Variants in PIAS4 observed in about 807,000 individuals in gnomAD.
The protein encoded by PIAS4 is E3 SUMO-protein ligase PIAS4.
PIAS4 carries 7 observed loss-of-function variants against 58.0 expected under a neutral mutation model. The observed-to-expected ratio is 0.12, with a 90% CI of 0.07 to 0.23. The LOEUF is 0.23. Ranked by LOEUF, PIAS4 falls within the 10% of genes least tolerant of loss-of-function variation. The pLI is 1.00. For missense variants in PIAS4, 550 were observed against 709.5 expected (o/e 0.78, Z 2.55); for synonymous variants, 364 against 312.4 (o/e 1.17, Z -1.74).
chr19:4,014,811 G>A (rs992868811), intron 2 of PIAS4, among the ~76,000 whole-genome samples: 1 of 152,242 alleles, frequency 6.6e-6, no homozygotes, highest in Non-Finnish European at 1.5e-5. Context: ...GGGAGGCAGC[G>A]TTGATGGGGG....
At position 4,036,593 on chromosome 19, in the gene PIAS4, T is replaced by TAC. The variant is rs1305244998; in HGVS notation, c.1143-771_1143-770dup. 1.9e-4 allele frequency among the ~76,000 whole-genome samples: 21 copies of TAC among 112,396 alleles called. 1 individual carries two copies. The highest frequency in any genetic ancestry group is 2.8e-4 in the Non-Finnish European group (15 of 54,374). 73.7% of individuals were successfully genotyped at this position (112,396 alleles called of 152,430 possible). On this transcript the variant is annotated intron_variant, in intron 9 of 10. Transcript: ENST00000262971. ...CACATCCATACAGTCCACACCGTCA[T>TAC]ACACACACACATCTATACAGTCCAC...
intron 1 of PIAS4, among the ~76,000 whole-genome samples, chr19:4,008,687 C>T (rs924215330): frequency 2.6e-5 from 4 of 152,160 alleles, no homozygotes; most frequent in African/African-American, 9.7e-5. Context: ...CTCTAAACCT[C>T]ACCTGTGCAG....
At chr19:4,021,165 A>G (rs1009693808) in intron 2 of PIAS4, among the ~76,000 whole-genome samples, 15 of 152,116 alleles carry the variant, frequency 9.9e-5, no homozygotes, top group African/African-American at 3.1e-4. Flanking sequence ...CTCATTTTAT[A>G]TTATTGATAC....
intron 3 of PIAS4, among the ~76,000 whole-genome samples, chr19:4,027,895 C>T (rs1022686749): frequency 6.6e-6 from 1 of 152,096 alleles, no homozygotes; most frequent in Non-Finnish European, 1.5e-5. Flanking sequence ...GGGAGAGGCA[C>T]CTGGCTGCCC....
intron 2 of PIAS4, among the ~76,000 whole-genome samples, chr19:4,020,600 G>A (rs1045249529): frequency 1.3e-5 from 2 of 152,176 alleles, no homozygotes; most frequent in South Asian, 2.1e-4. Context: ...GGACGTGCAC[G>A]CTGCTCAGCG....
At chr19:4,009,786 C>T (rs2144901807) in intron 1 of PIAS4, among the ~76,000 whole-genome samples, 1 of 152,276 alleles carries the variant, frequency 6.6e-6, no homozygotes, top group South Asian at 2.1e-4. Flanking sequence ...TGGGGTGCAT[C>T]ACAGACTGCT....
intron 2 of PIAS4, among the ~76,000 whole-genome samples, chr19:4,016,607 A>G (rs1438642770): frequency 6.6e-6 from 1 of 152,198 alleles, no homozygotes; most frequent in African/African-American, 2.4e-5. Flanking sequence ...AGCAGGAGCC[A>G]TTTACTCTAC....
intron 2 of PIAS4, among the ~76,000 whole-genome samples, chr19:4,015,796 G>T (rs923717423): frequency 3.3e-5 from 5 of 152,178 alleles, no homozygotes; most frequent in Admixed American, 6.5e-5. Context: ...GAGGCCCACC[G>T]CTCTGGTCTG....
rs543381520 is a variant in PIAS4 at position 4,007,878 on chromosome 19, C to T, written c.27+91C>T. ...CGAGGTCTGCGCCTTCTGTCCGGGG[C>T]CCCACAGCGCGGCCGGCCCGCGGCT... On this transcript the variant is annotated intron_variant, in intron 1 of 10. Coordinates refer to ENST00000262971, the MANE Select transcript of PIAS4 (RefSeq NM_015897.4). 1,161 of 1,002,630 alleles carry T rather than the reference C, an allele frequency of 1.2e-3. 11 individuals are homozygous for T. The African/African-American group carries it at 0.018, about 16-fold the overall frequency. 62.1% of individuals were successfully genotyped at this position (1,002,630 alleles called of 1,614,324 possible).
In PIAS4 at chr19:4,037,641, G is replaced by A; in HGVS notation, c.1299G>A (p.Leu433=). Residue 433 remains leucine (L), a synonymous_variant, in exon 11 of 11, where the codon CTG becomes CTA. Coordinates refer to ENST00000262971, the MANE Select transcript of PIAS4 (RefSeq NM_015897.4). This position sits in a 1 kb window ranked among gnomAD's most constrained non-coding sequence, Gnocchi z 5.8. The part of the protein sequence containing the change: ...VLGPSDANGL[L]PAPSVNGSGA... ...GCCCCTCGGACGCCAATGGGCTCCT[G>A]CCCGCCCCCAGCGTCAACGGGAGCG... 1.2e-6 allele frequency: 2 copies of A among 1,611,420 alleles called. No homozygotes were observed. The highest frequency in any genetic ancestry group is 1.7e-6 in the Non-Finnish European group (2 of 1,179,786).
chr19:4,009,521 GA>G (rs2039973629), intron 1 of PIAS4, among the ~76,000 whole-genome samples: 1 of 152,048 alleles, frequency 6.6e-6, no homozygotes, highest in Non-Finnish European at 1.5e-5. Context: ...TCCAGGCCTT[GA>G]AATATGATCT....
At position 4,019,071 on chromosome 19, in the gene PIAS4, G is replaced by A. The variant is rs948553140; in HGVS notation, c.455-4965G>A. Among the ~76,000 whole-genome samples the A allele has an allele frequency of 9.9e-5, 15 of 152,208 alleles. No individual in the cohort carries two copies. In the South Asian group the frequency reaches 1.7e-3, roughly 17 times the overall value. On this transcript the variant is annotated intron_variant, in intron 2 of 10. Coordinates refer to ENST00000262971, the MANE Select transcript of PIAS4 (RefSeq NM_015897.4). ...AGAGCTGGGGGCAGTCGTCTGCACC[G>A]GGCGGGATTTGAAAACAGAGCTGAC...
chr19:4,011,448 T>C (rs1599213496), intron 1 of PIAS4, among the ~76,000 whole-genome samples: 1 of 152,226 alleles, frequency 6.6e-6, no homozygotes, highest in African/African-American at 2.4e-5. Flanking sequence ...CTACCCCACC[T>C]CAAACACCAG....
At chr19:4,034,562 T>C (rs766785309) in intron 9 of PIAS4, among the ~76,000 whole-genome samples, 1 of 152,204 alleles carries the variant, frequency 6.6e-6, no homozygotes, top group Admixed American at 6.5e-5. Context: ...GGCCACCCCC[T>C]TGCATCCCAG....
At chr19:4,027,840 A>G (rs1392187443) in intron 3 of PIAS4, among the ~76,000 whole-genome samples, 1 of 152,108 alleles carries the variant, frequency 6.6e-6, no homozygotes, top group Non-Finnish European at 1.5e-5. Context: ...ATTGTGAGCC[A>G]GCTGCTAGAT....
intron 2 of PIAS4, among the ~76,000 whole-genome samples, chr19:4,022,324 T>A (rs958664378): frequency 1.3e-5 from 2 of 151,226 alleles, no homozygotes; most frequent in African/African-American, 4.8e-5. Flanking sequence ...TCAGCTAGAG[T>A]TTTGTTTTTT....
At position 4,037,709 on chromosome 19, in the gene PIAS4, T is replaced by C. The variant is rs763380086; in HGVS notation, c.1367T>C (p.Met456Thr). Residue 456 changes from methionine to threonine, a missense_variant, in exon 11 of 11, where the codon ATG becomes ACG. By Grantham distance (81) the Met-to-Thr change is moderately conservative. Transcript: ENST00000262971. The surrounding 1 kb of genome is among the most constrained non-coding windows in gnomAD (Gnocchi z 5.8). Reference sequence around the variant, plus strand: ...GGTGGCGGCGGCCCGGTGGGCAGCATGGAGAATGGGAAGCCGGGCGCCGAT... The same window carrying C: ...GGTGGCGGCGGCCCGGTGGGCAGCACGGAGAATGGGAAGCCGGGCGCCGAT... Reference protein sequence around the residue: ...STGGGGPVGSMENGKPGADVV... With the variant: ...STGGGGPVGSTENGKPGADVV... 47 of 1,611,590 alleles carry C rather than the reference T, an allele frequency of 2.9e-5. No individual in the cohort carries two copies. The highest frequency in any genetic ancestry group is 3.9e-5 in the Non-Finnish European group (46 of 1,179,508).
chr19:4,018,438 C>T (rs533844104), intron 2 of PIAS4: 2 of 152,328 alleles, frequency 1.3e-5, no homozygotes, highest in South Asian at 2.1e-4. Flanking sequence ...CTGGGCCCTT[C>T]TTGTTGGGCT....
intron 3 of PIAS4, 110 bp downstream of exon 3, chr19:4,024,230 C>T (rs1412648359): frequency 1.3e-6 from 1 of 789,996 alleles, no homozygotes; most frequent in Non-Finnish European, 2.2e-6. Context: ...CGCTCGGGCT[C>T]AGTCCAGAAC....
Sources: allele counts gnomAD v4.1 joint callset (sites outside exome capture counted in the v4.1 genomes callset), GRCh38; gene constraint gnomAD v4.1.1; non-coding constraint Gnocchi (gnomAD v3.1); transcripts MANE v1.5; gene names NCBI Gene and HGNC (gene_info 2026-07-23, HGNC 2026-07-21).